FNDC3B: variants seen among roughly 807,000 people sequenced by gnomAD.
The protein encoded by FNDC3B is fibronectin type III domain containing 3B.
A neutral mutation model predicts 151.5 loss-of-function variants in FNDC3B; 12 were observed. The observed-to-expected ratio is 0.08, with a 90% CI of 0.05 to 0.13. FNDC3B has a LOEUF of 0.13. Among genes scored for constraint, FNDC3B ranks in the 10% least tolerant of loss-of-function variants. FNDC3B has a pLI of 1.00. For synonymous variants in FNDC3B, 528 were observed against 549.0 expected (o/e 0.96, Z 0.54); for missense variants, 1,214 against 1,505.3 (o/e 0.81, Z 3.20).
chr3:172,321,729 A>T (rs977936332), intron 11 of FNDC3B: 3 of 198,822 alleles, frequency 1.5e-5, no homozygotes, highest in African/African-American at 7.2e-5. Flanking sequence ...TTGTATTTTT[A>T]TTTTTTTATG....
chr3:172,249,567 A>G (rs1313571449), intron 5 of FNDC3B, among the ~76,000 whole-genome samples: 1 of 152,178 alleles, frequency 6.6e-6, no homozygotes, highest in Non-Finnish European at 1.5e-5. Context: ...TTTAAATATT[A>G]ATTTTCTAAA....
At chr3:172,154,585 G>A (rs1432654451) in intron 3 of FNDC3B, among the ~76,000 whole-genome samples, 2 of 152,172 alleles carry the variant, frequency 1.3e-5, no homozygotes, top group Non-Finnish European at 2.9e-5. Context: ...AAAACGTGCA[G>A]GTGGAGCTGA....
chr3:172,349,455 C>G (rs567654992), intron 21 of FNDC3B, among the ~76,000 whole-genome samples: 1 of 152,008 alleles, frequency 6.6e-6, no homozygotes, highest in Non-Finnish European at 1.5e-5. Flanking sequence ...CTATTATTTA[C>G]AAAAAGTTGA....
chr3:172,356,905 A>G (rs944722838), intron 22 of FNDC3B, among the ~76,000 whole-genome samples: 11 of 151,238 alleles, frequency 7.3e-5, no homozygotes, highest in Non-Finnish European at 1.5e-5. Flanking sequence ...TCACACCCAC[A>G]CTCTTGACAT....
chr3:172,350,412 T>A (rs1733802128), intron 21 of FNDC3B, among the ~76,000 whole-genome samples: 1 of 152,238 alleles, frequency 6.6e-6, no homozygotes, highest in African/African-American at 2.4e-5. Context: ...AAGCCCTAGT[T>A]GATAGAAACA....
In FNDC3B at chr3:172,344,235, G is replaced by T. The variant is rs199983301; in HGVS notation, c.2227G>T (p.Val743Leu). ...TCCTGGAACCGTGTATCGCTTCCGG[G>T]TGAGGGCTCTGAATGATGGAGGGGT... The part of the protein sequence containing the change: ...LLPGTVYRFR[V>L]RALNDGGYGP... Residue 743 changes from valine (V) to leucine (L), a missense_variant, in exon 19 of 26, where the codon GTG becomes TTG. By Grantham distance (32) the Val-to-Leu change is conservative (BLOSUM62 1). Coordinates refer to ENST00000415807, the MANE Select transcript of FNDC3B (RefSeq NM_022763.4). 2.5e-6 allele frequency: 4 copies of T among 1,613,968 alleles called. No homozygotes were observed. The Admixed American group carries it at 6.7e-5, about 27-fold the overall frequency.
At chr3:172,140,367 A>C (rs1180934633) in intron 3 of FNDC3B, among the ~76,000 whole-genome samples, 1 of 152,222 alleles carries the variant, frequency 6.6e-6, no homozygotes, top group Non-Finnish European at 1.5e-5. Flanking sequence ...GATTGGATTT[A>C]CATGAAATTT....
At chr3:172,351,958 A>G (rs191834898) in intron 21 of FNDC3B, among the ~76,000 whole-genome samples, 137 of 152,332 alleles carry the variant, frequency 9.0e-4, no homozygotes, top group Admixed American at 2.7e-3. Context: ...ACCAGTATTC[A>G]AAGCAGGGGA....
intron 6 of FNDC3B, among the ~76,000 whole-genome samples, chr3:172,271,459 A>G (rs1004702783): frequency 6.6e-6 from 1 of 152,150 alleles, no homozygotes; most frequent in East Asian, 1.9e-4. Context: ...AAATGGTATC[A>G]TAACTTTAAT....
chr3:172,144,640 A>G (rs1721804875), intron 3 of FNDC3B, among the ~76,000 whole-genome samples: 1 of 152,118 alleles, frequency 6.6e-6, no homozygotes, highest in South Asian at 2.1e-4. Context: ...AGCACTAAAC[A>G]TTTTGTATTC....
At chr3:172,257,521 A>G (rs1019094808) in intron 6 of FNDC3B, among the ~76,000 whole-genome samples, 1 of 151,708 alleles carries the variant, frequency 6.6e-6, no homozygotes, top group Non-Finnish European at 1.5e-5. Flanking sequence ...GTGGATTACC[A>G]GTTTTAAATA....
Position 172,131,253 on chromosome 3 carries a change from C to T in FNDC3B, c.112-2218C>T, listed in dbSNP as rs528293003. Among the ~76,000 whole-genome samples, 10 of 152,088 alleles carry T rather than the reference C, an allele frequency of 6.6e-5. No individual in the cohort carries two copies. The South Asian group carries it at 1.0e-3, about 16-fold the overall frequency. On this transcript the variant is annotated intron_variant, in intron 2 of 25. Transcript: ENST00000415807. ...TACTAAAAATACAAAATTAGCCAGG[C>T]GTGGTGGTGCAGGCCTGTAATCCCA...
Position 172,327,700 on chromosome 3 carries a change from G to A in FNDC3B, c.1255-1252G>A, listed in dbSNP as rs575642752. Among the ~76,000 whole-genome samples the A allele has an allele frequency of 2.6e-3, 393 of 152,324 alleles. 1 individual carries two copies. Among genetic ancestry groups the A allele is most frequent in the African/African-American group, 8.2e-3 (340 of 41,580 alleles). ...ATTACAGGCGTGAGCCACCGCGCCC[G>A]GCCAGTGTGGTTGTTTTTAATGTGC... is the stretch of plus-strand genomic sequence containing the variant. On this transcript the variant is annotated intron_variant, in intron 11 of 25. Transcript: ENST00000415807.
At chr3:172,367,347 T>C (rs1734681888) in intron 23 of FNDC3B, among the ~76,000 whole-genome samples, 1 of 152,174 alleles carries the variant, frequency 6.6e-6, no homozygotes, top group South Asian at 2.1e-4. Flanking sequence ...TGAGAGCTTA[T>C]CTTGCTAAGG....
Position 172,214,377 on chromosome 3 carries a change from C to T in FNDC3B, c.188-12494C>T, listed in dbSNP as rs558931072. On this transcript the variant is annotated intron_variant, in intron 3 of 25. Coordinates refer to ENST00000415807, the MANE Select transcript of FNDC3B (RefSeq NM_022763.4). ...CAGCCCATTATTAGGTCCCAGCTGC[C>T]GGACAACTTAGAGGATTTTTATTAA... Among the ~76,000 whole-genome samples, 15 of 152,210 alleles carry T rather than the reference C, an allele frequency of 9.9e-5. No individual in the cohort carries two copies. The South Asian group carries it at 1.0e-3, about 11-fold the overall frequency.
intron 9 of FNDC3B, among the ~76,000 whole-genome samples, chr3:172,300,130 C>A (rs952364793): frequency 2.6e-5 from 4 of 152,134 alleles, no homozygotes; most frequent in African/African-American, 9.7e-5. Flanking sequence ...ACGTATTGAG[C>A]TTTTCACACA....
intron 4 of FNDC3B, among the ~76,000 whole-genome samples, chr3:172,243,481 CAAAA>C (rs146032907): frequency 0.15 from 22,512 of 151,778 alleles, 1,777 homozygotes; most frequent in African/African-American, 0.21. Context: ...TGGCAGCAGG[CAAAA>C]AAAGAGGTTG....
chr3:172,241,458 A>T (rs926895402), intron 4 of FNDC3B, among the ~76,000 whole-genome samples: 2 of 152,160 alleles, frequency 1.3e-5, no homozygotes, highest in African/African-American at 4.8e-5. Flanking sequence ...GGCAATTTAC[A>T]TAGGAAAAAG....
At chr3:172,101,262 A>G (rs1031044331) in intron 1 of FNDC3B, among the ~76,000 whole-genome samples, 13 of 152,218 alleles carry the variant, frequency 8.5e-5, no homozygotes, top group African/African-American at 3.1e-4. Flanking sequence ...AAATTTAGAC[A>G]TTGGGGCTTA....
Sources: gnomAD v4.1 joint callset for allele counts (sites outside exome capture counted in the v4.1 genomes callset) on GRCh38, gnomAD v4.1.1 for gene constraint, MANE v1.5 for transcripts, NCBI Gene and HGNC (gene_info 2026-07-23, HGNC 2026-07-21) for gene names.